NETO2: variants seen among roughly 807,000 people sequenced by gnomAD.
NETO2 encodes the protein neuropilin and tolloid like 2.
A neutral mutation model predicts 62.5 loss-of-function variants in NETO2; 28 were observed. The ratio of observed to expected loss-of-function variants is 0.45; its 90% CI spans 0.33 to 0.61. The LOEUF is 0.61. NETO2 is among the 20% of genes least tolerant of loss of function. The probability of loss-of-function intolerance (pLI) is 0.02; values close to 1 mark genes in which losing one functional copy is unlikely to be tolerated. For synonymous variants in NETO2, 214 were observed against 219.1 expected (o/e 0.98, Z 0.21); for missense variants, 548 against 643.2 (o/e 0.85, Z 1.60).
At chr16:47,136,386 G>GAT (rs1252414671) in intron 1 of NETO2, among the ~76,000 whole-genome samples, 3 of 151,994 alleles carry the variant, frequency 2.0e-5, no homozygotes, top group African/African-American at 7.3e-5. Flanking sequence ...CTCAGAAATA[G>GAT]ATATATATAT....
intron 7 of NETO2, among the ~76,000 whole-genome samples, chr16:47,102,173 A>C (rs1596714126): frequency 6.6e-6 from 1 of 152,216 alleles, no homozygotes; most frequent in South Asian, 2.1e-4. Context: ...GACGAAAACA[A>C]GCAATGGGGA....
At chr16:47,141,340 ACTT>A (rs1340029587) in intron 1 of NETO2, among the ~76,000 whole-genome samples, 2 of 152,206 alleles carry the variant, frequency 1.3e-5, no homozygotes, top group African/African-American at 2.4e-5. Context: ...TAAAAGGAAA[ACTT>A]CTTCATGCCT....
intron 7 of NETO2, among the ~76,000 whole-genome samples, chr16:47,091,942 A>C (rs1298938480): frequency 6.6e-6 from 1 of 151,988 alleles, no homozygotes; most frequent in East Asian, 1.9e-4. Flanking sequence ...TCCTGGGCTC[A>C]AGTGATCCTC....
chr16:47,086,368 G>C, intron 7 of NETO2, 29 bp from the exon 8 acceptor site: 2 of 1,453,284 alleles, frequency 1.4e-6, no homozygotes, highest in Non-Finnish European at 1.9e-6. Context: ...GTGTTGCAAA[G>C]AGCAGGCAGA....
intron 6 of NETO2, among the ~76,000 whole-genome samples, chr16:47,116,142 GT>G (rs150157077): frequency 0.091 from 11,953 of 131,410 alleles, 804 homozygotes; most frequent in African/African-American, 0.22. Context: ...AGGGTTTTCT[GT>G]TTTTTTTTTT....
chr16:47,139,320 C>T (rs540601524), intron 1 of NETO2, among the ~76,000 whole-genome samples: 36 of 152,146 alleles, frequency 2.4e-4, no homozygotes, highest in African/African-American at 6.0e-4. Context: ...TTTTTAAATG[C>T]GAGCACAAAT....
At chr16:47,127,448 CACAT>C (rs994215719) in intron 4 of NETO2, among the ~76,000 whole-genome samples, 4 of 152,150 alleles carry the variant, frequency 2.6e-5, no homozygotes, top group Admixed American at 6.5e-5. Flanking sequence ...CACACACACA[CACAT>C]ATAGTTTTTT....
At chr16:47,133,125 A>G (rs542607301) in intron 1 of NETO2, among the ~76,000 whole-genome samples, 1 of 152,230 alleles carries the variant, frequency 6.6e-6, no homozygotes, top group African/African-American at 2.4e-5. Context: ...ACGGAGTTTA[A>G]CAGGAGATAT....
chr16:47,115,767 C>T (rs1396954348), intron 6 of NETO2, among the ~76,000 whole-genome samples: 1 of 133,246 alleles, frequency 7.5e-6, no homozygotes, highest in African/African-American at 3.4e-5. Context: ...GGCTGGGTTT[C>T]GTCAGGTTGC....
chr16:47,112,284 T>C (rs1209784181), intron 6 of NETO2, among the ~76,000 whole-genome samples: 1 of 152,188 alleles, frequency 6.6e-6, no homozygotes, highest in Non-Finnish European at 1.5e-5. Context: ...TCACATTTAG[T>C]ATTCAAGGGT....
intron 7 of NETO2, among the ~76,000 whole-genome samples, chr16:47,108,167 AG>A (rs1321333440): frequency 6.6e-6 from 1 of 152,214 alleles, no homozygotes. Context: ...TGAATAAGTG[AG>A]GAAAAAGGGA....
intron 6 of NETO2, among the ~76,000 whole-genome samples, chr16:47,111,852 G>C (rs758598389): frequency 5.3e-5 from 8 of 152,018 alleles, no homozygotes; most frequent in Non-Finnish European, 1.0e-4. Context: ...CTTCACTGTG[G>C]TAAAGAGGCT....
chr16:47,111,651 G>A (rs1963803948), intron 6 of NETO2, among the ~76,000 whole-genome samples: 2 of 152,174 alleles, frequency 1.3e-5, no homozygotes, highest in South Asian at 2.1e-4. Flanking sequence ...TTACCTGGAT[G>A]GTGGGAGTTT....
chr16:47,122,239 G>C lies in NETO2; in HGVS notation c.654+418C>G, dbSNP rs546074306. Among the ~76,000 whole-genome samples, 250 of 152,200 alleles carry C rather than the reference G, an allele frequency of 1.6e-3. 2 individuals carry two copies. The highest frequency in any genetic ancestry group is 5.6e-3 in the African/African-American group (231 of 41,530). Reference sequence around the variant, plus strand: ...GGGTAAGAACAGACTCGACACATTTGGGTTTTCGCTTTTAGATTGCTACGA... The same window carrying C: ...GGGTAAGAACAGACTCGACACATTTCGGTTTTCGCTTTTAGATTGCTACGA... On this transcript the variant is annotated intron_variant, in intron 6 of 8. Coordinates refer to ENST00000562435, the MANE Select transcript of NETO2 (RefSeq NM_018092.5).
chr16:47,110,325 A>AAGCT (rs1407016836), intron 6 of NETO2, among the ~76,000 whole-genome samples: 2 of 152,322 alleles, frequency 1.3e-5, no homozygotes, highest in African/African-American at 4.8e-5. Flanking sequence ...CTATCAAAGG[A>AAGCT]AGCTCTATTA....
rs953435280 is a variant in NETO2, at chr16:47,081,849, TCA to T, written c.*1370_*1371del. ...TGTGTAGTGATTTAGAGCATAAATA[TCA>T]CACAGTGAAAAATTTATCACAAACT... On this transcript the variant is annotated 3_prime_UTR_variant, in exon 9 of 9. Coordinates refer to ENST00000562435, the MANE Select transcript of NETO2 (RefSeq NM_018092.5). 2.6e-5 allele frequency: 4 copies of T among 152,468 alleles called. No individual in the cohort carries two copies. Among genetic ancestry groups the T allele is most frequent in the Non-Finnish European group, 4.4e-5 (3 of 67,986 alleles). The allele number at this position is 152,468 out of a possible 1,614,324, so 9.4% of individuals were successfully genotyped here. A position where few individuals can be genotyped will look rare whatever the true frequency, so the allele number is the denominator to read the frequency against.
intron 2 of NETO2, among the ~76,000 whole-genome samples, chr16:47,130,584 C>G (rs1044717467): frequency 1.3e-5 from 2 of 151,850 alleles, no homozygotes; most frequent in Admixed American, 6.6e-5. Flanking sequence ...GCAAGTAAAT[C>G]TATAAGACAA....
chr16:47,121,396 G>A (rs189912019), intron 6 of NETO2, among the ~76,000 whole-genome samples: 1 of 152,142 alleles, frequency 6.6e-6, no homozygotes, highest in East Asian at 1.9e-4. Context: ...TGACTCAAAG[G>A]TTTAATGCAC....
At chr16:47,111,089 G>A (rs1045552604) in intron 6 of NETO2, among the ~76,000 whole-genome samples, 1 of 152,044 alleles carries the variant, frequency 6.6e-6, no homozygotes, top group Non-Finnish European at 1.5e-5. Context: ...CAAACCCTCC[G>A]CTCACACTCT....
Sources: allele counts gnomAD v4.1 joint callset (sites outside exome capture counted in the v4.1 genomes callset), GRCh38; gene constraint gnomAD v4.1.1; transcripts MANE v1.5; gene names NCBI Gene and HGNC (gene_info 2026-07-23, HGNC 2026-07-21).